Variants in ENTPD4 observed in about 807,000 individuals in gnomAD.
ENTPD4 encodes the protein ectonucleoside triphosphate diphosphohydrolase 4, also known as Golgi UDPase.
In ENTPD4, 60 loss-of-function variants were observed where a neutral mutation model predicts 79.1. The observed-to-expected ratio is 0.76, with a 90% CI of 0.62 to 0.94. The LOEUF is 0.94. Among genes scored for constraint, ENTPD4 ranks in the 40% least tolerant of loss-of-function variants. The pLI is 0.00. For missense variants in ENTPD4, 772 were observed against 775.1 expected, an observed-to-expected ratio of 1.00 and a Z score of 0.05; for synonymous variants, 276 against 292.0, an observed-to-expected ratio of 0.95 and a Z score of 0.56.
intron 9 of ENTPD4, among the ~76,000 whole-genome samples, chr8:23,438,658 C>T (rs897796178): frequency 1.3e-5 from 2 of 152,114 alleles, no homozygotes; most frequent in African/African-American, 4.8e-5. Flanking sequence ...AAATATGTTA[C>T]AAATGTTGTC....
At position 23,452,684 on chromosome 8, in the gene ENTPD4, C is replaced by T. The variant is rs76814931; in HGVS notation, c.-97-2687G>A. On this transcript the variant is annotated intron_variant, in intron 1 of 12. Transcript: ENST00000358689. ...TTTCTGTCTCATTCCCTGACAGACC[C>T]CTCCTACGTACCCTAGGCTCCAGCC... Among the ~76,000 whole-genome samples, 599 of 152,284 alleles carry T rather than the reference C, an allele frequency of 3.9e-3. 2 individuals carry two copies. The highest frequency in any genetic ancestry group is 0.014 in the African/African-American group (567 of 41,550).
In ENTPD4 at chr8:23,431,158, C is replaced by T. The variant is rs1800447999; in HGVS notation, c.*1768G>A. On this transcript the variant is annotated 3_prime_UTR_variant, in exon 13 of 13. Transcript: ENST00000358689. Reference sequence around the variant, plus strand: ...ATTCCCTTGGTCTTCTCTTCTGATCCCTCAGCAGAACTGCCCCTAATGCTC... The same window carrying T: ...ATTCCCTTGGTCTTCTCTTCTGATCTCTCAGCAGAACTGCCCCTAATGCTC... The T allele has an allele frequency of 2.8e-6, 1 of 357,618 alleles. No individual in the cohort carries two copies. 22.2% of individuals were successfully genotyped at this position (357,618 alleles called of 1,614,324 possible). A position where few individuals can be genotyped will look rare whatever the true frequency, so the allele number is the denominator to read the frequency against.
intron 11 of ENTPD4, chr8:23,434,727 T>C: frequency 7.6e-7 from 1 of 1,315,142 alleles, no homozygotes; most frequent in African/African-American, 1.5e-5. Flanking sequence ...CATAATGTCA[T>C]ATATCCCTGA....
In ENTPD4 at chr8:23,448,793, A is replaced by G; in HGVS notation, c.155T>C (p.Val52Ala). 1 of 1,614,172 alleles carries G rather than the reference A, an allele frequency of 6.2e-7. No homozygotes were observed. Among genetic ancestry groups the G allele is most frequent in the Non-Finnish European group, 8.5e-7 (1 of 1,180,038 alleles). The change falls in exon 3 of 13, where the codon GTC becomes GCC. Residue 52 changes from valine to alanine, a missense_variant. By Grantham distance (64) the Val-to-Ala change is moderately conservative (BLOSUM62 0). Transcript: ENST00000358689. ...TCGCCCATACTTATTTCGGATTATG[A>G]CAACAGAAAAATATAAAAGTGAAAC... The part of the protein sequence containing the change: ...AAVSLLYFSV[V>A]IIRNKYGRLT...
chr8:23,436,924 T>C lies in ENTPD4; in HGVS notation c.1374+10A>G, dbSNP rs1158720383. 1.0e-5 allele frequency: 16 copies of C among 1,569,890 alleles called. No homozygotes were observed. Among genetic ancestry groups the C allele is most frequent in the Non-Finnish European group, 1.4e-5 (16 of 1,157,882 alleles). ...AAGCATGCAGAGCAGACGGCGTCTC[T>C]CAAGGGTACCTTTGCAGCTTTAGTA... On this transcript the variant is annotated intron_variant, in intron 10 of 12. Coordinates refer to ENST00000358689, the MANE Select transcript of ENTPD4 (RefSeq NM_004901.5).
intron 8 of ENTPD4, 184 bp from the exon 9 acceptor site, chr8:23,440,099 G>A (rs2117285596): frequency 3.7e-6 from 2 of 541,152 alleles, no homozygotes; most frequent in South Asian, 2.8e-5. Flanking sequence ...ATTTCAGATG[G>A]GCTGCAAATT....
In ENTPD4 at chr8:23,443,907, G is replaced by A; in HGVS notation, c.610C>T (p.His204Tyr). The A allele has an allele frequency of 6.2e-7, 1 of 1,613,784 alleles. No individual in the cohort carries two copies. The highest frequency in any genetic ancestry group is 8.5e-7 in the Non-Finnish European group (1 of 1,179,730). Residue 204 changes from histidine to tyrosine, a missense_variant, in exon 6 of 13, where the codon CAC (histidine) becomes TAC (tyrosine). Physicochemically the swap from His to Tyr is moderately conservative, Grantham distance 83. Transcript: ENST00000358689. ...GAGTCAGAAAACAGAAAGTCAAAGT[G>A]CACGGGGATATCGGTCAGAAGGTCT... is the stretch of plus-strand genomic sequence containing the variant. ...LEDLLTDIPV[H>Y]FDFLFSDSHA...
At chr8:23,443,999 G>GT in intron 5 of ENTPD4, 46 bp from the exon 6 acceptor site, 1 of 1,305,282 alleles carries the variant, frequency 7.7e-7, no homozygotes, top group Non-Finnish European at 1.1e-6. Context: ...TTACAGCTTG[G>GT]TATCTTCTGT....
intron 4 of ENTPD4, among the ~76,000 whole-genome samples, chr8:23,446,734 G>A (rs936335582): frequency 6.6e-6 from 1 of 151,960 alleles, no homozygotes; most frequent in African/African-American, 2.4e-5. Flanking sequence ...GGACTCGAGG[G>A]GTCACCATTC....
intron 1 of ENTPD4, among the ~76,000 whole-genome samples, chr8:23,455,328 G>C (rs575442760): frequency 1.3e-5 from 2 of 152,330 alleles, no homozygotes; most frequent in South Asian, 2.1e-4. Context: ...GGGTACTTCA[G>C]AAAAGAATGA....
intron 6 of ENTPD4, among the ~76,000 whole-genome samples, chr8:23,443,404 T>C (rs922453832): frequency 6.6e-6 from 1 of 152,238 alleles, no homozygotes; most frequent in Non-Finnish European, 1.5e-5. Context: ...TATACATTTC[T>C]AGCAAGCTAT....
intron 1 of ENTPD4, among the ~76,000 whole-genome samples, chr8:23,451,047 G>C (rs1455798654): frequency 7.1e-6 from 1 of 140,468 alleles, no homozygotes; most frequent in Non-Finnish European, 1.5e-5. Flanking sequence ...TTGAGACAGA[G>C]TCTTGCTCTT....
At chr8:23,434,098 G>C in intron 12 of ENTPD4, 1 of 569,872 alleles carries the variant, frequency 1.8e-6, no homozygotes, top group Non-Finnish European at 3.1e-6. Context: ...CAGGGCAGTA[G>C]GACAGGAGTG....
rs370357941 is a variant in ENTPD4, at chr8:23,448,906, C to T, written c.42G>A (p.Trp14Ter). The stretch of plus-strand genomic sequence containing the variant: ...ACCCTACTGGAGATATGCTAAAATG[C>T]CAAGAAGCAGGAAAAAGACAGGAGA... ...IGISCLFPASWHFSISPVGCP... is the reference protein window; with the variant it reads ...IGISCLFPAS The change falls in exon 3 of 13, where the codon TGG becomes TGA. Residue 14 changes from tryptophan (W) to a stop codon, truncating the protein, a stop_gained. Coordinates refer to ENST00000358689, the MANE Select transcript of ENTPD4 (RefSeq NM_004901.5). LOFTEE classifies it high-confidence loss of function. 6 of 1,613,696 alleles carry T rather than the reference C, an allele frequency of 3.7e-6. No homozygotes were observed. Among genetic ancestry groups the T allele is most frequent in the African/African-American group, 2.7e-5 (2 of 74,886 alleles).
intron 4 of ENTPD4, among the ~76,000 whole-genome samples, chr8:23,445,590 G>C (rs546810916): frequency 3.2e-4 from 49 of 151,828 alleles, no homozygotes; most frequent in African/African-American, 1.1e-3. Flanking sequence ...GTTAATTCCT[G>C]CACACCCACT....
chr8:23,431,696 G>A lies in ENTPD4; in HGVS notation c.*1230C>T, dbSNP rs984875765. 2 of 985,436 alleles carry A rather than the reference G, an allele frequency of 2.0e-6. No homozygotes were observed. The highest frequency in any genetic ancestry group is 1.7e-5 in the African/African-American group (1 of 57,232). 61.0% of individuals were successfully genotyped at this position (985,436 alleles called of 1,614,324 possible). On this transcript the variant is annotated 3_prime_UTR_variant, in exon 13 of 13. Coordinates refer to ENST00000358689, the MANE Select transcript of ENTPD4 (RefSeq NM_004901.5). ...CTGAGATGACTTTTAATTAAGGGGG[G>A]TGGGGGAAACACCAATTGGAAGCTG...
At position 23,448,894 on chromosome 8, in the gene ENTPD4, T is replaced by C. The variant is rs1226112356; in HGVS notation, c.54A>G (p.Ile18Met). Residue 18 changes from isoleucine to methionine, a missense_variant, in exon 3 of 13, where the codon ATA becomes ATG. By Grantham distance (10) the Ile-to-Met change is conservative. Coordinates refer to ENST00000358689, the MANE Select transcript of ENTPD4 (RefSeq NM_004901.5). ...CLFPASWHFSISPVGCPRILN... is the reference protein window; with the variant it reads ...CLFPASWHFSMSPVGCPRILN... Reference sequence around the variant, plus strand: ...GAATTCGAGGACACCCTACTGGAGATATGCTAAAATGCCAAGAAGCAGGAA... The same window carrying C: ...GAATTCGAGGACACCCTACTGGAGACATGCTAAAATGCCAAGAAGCAGGAA... 22 of 1,613,996 alleles carry C rather than the reference T, an allele frequency of 1.4e-5. No homozygotes were observed. The highest frequency in any genetic ancestry group is 2.2e-5 in the East Asian group (1 of 44,890).
intron 6 of ENTPD4, among the ~76,000 whole-genome samples, chr8:23,443,000 G>T (rs1800700802): frequency 6.6e-6 from 1 of 152,118 alleles, no homozygotes; most frequent in Non-Finnish European, 1.5e-5. Flanking sequence ...TGTCCACAGT[G>T]CCCTCTTTCC....
intron 1 of ENTPD4, among the ~76,000 whole-genome samples, chr8:23,453,999 A>G (rs1326590043): frequency 2.0e-5 from 3 of 152,326 alleles, no homozygotes; most frequent in South Asian, 4.1e-4. Context: ...GTCCCCATGC[A>G]TGGGGGGATA....
Sources: gnomAD v4.1 joint callset for allele counts (sites outside exome capture counted in the v4.1 genomes callset) on GRCh38, gnomAD v4.1.1 for gene constraint, MANE v1.5 for transcripts, NCBI Gene and HGNC (gene_info 2026-07-23, HGNC 2026-07-21) for gene names.